The following PAPSS2 variants were observed in gnomAD, a reference collection of about 807,000 sequenced individuals.
The protein encoded by PAPSS2 is bifunctional 3'-phosphoadenosine 5'-phosphosulfate synthase 2.
PAPSS2 carries 61 observed loss-of-function variants against 66.5 expected under a neutral mutation model. That is an observed-to-expected ratio of 0.92 (90% CI 0.75 to 1.14). PAPSS2 has a LOEUF of 1.14. Ranked by LOEUF, PAPSS2 falls within the 50% of genes most tolerant of loss-of-function variation. The probability of loss-of-function intolerance (pLI) is 0.00; values close to 1 mark genes in which losing one functional copy is unlikely to be tolerated. For missense variants in PAPSS2, 708 were observed against 789.6 expected (o/e 0.90, Z 1.24); for synonymous variants, 289 against 287.5 (o/e 1.01, Z -0.05).
intron 4 of PAPSS2, 125 bp downstream of exon 4, chr10:87,714,307 C>T: frequency 1.0e-6 from 1 of 964,138 alleles, no homozygotes; most frequent in Non-Finnish European, 1.6e-6. Context: ...ACATGCACAA[C>T]TTTTTATCAG....
Position 87,714,996 on chromosome 10 carries a change from C to G in PAPSS2, c.651C>G (p.Pro217=). The change falls in exon 6 of 13, where the codon CCC becomes CCG. Residue 217 remains proline (P), a synonymous_variant. Coordinates refer to ENST00000456849, the MANE Select transcript of PAPSS2 (RefSeq NM_001015880.2). ...CTGTTTCATTTCAGAACATTGTACCCTATACTATAATCAAAGATATCCACG... is the reference window on the plus strand; with the variant it reads ...CTGTTTCATTTCAGAACATTGTACCGTATACTATAATCAAAGATATCCACG... The part of the protein sequence containing the change: ...VELLQEQNIV[P]YTIIKDIHEL... 2.5e-6 allele frequency: 4 copies of G among 1,604,872 alleles called. No homozygotes were observed. Among genetic ancestry groups the G allele is most frequent in the Non-Finnish European group, 3.4e-6 (4 of 1,171,610 alleles).
intron 2 of PAPSS2, among the ~76,000 whole-genome samples, chr10:87,712,838 C>A (rs1450776966): frequency 1.3e-5 from 2 of 152,122 alleles, no homozygotes; most frequent in Non-Finnish European, 2.9e-5. Flanking sequence ...GCCCCCAAAT[C>A]TCCCTATTTA....
chr10:87,706,098 A>ATG (rs1408888630), intron 1 of PAPSS2, among the ~76,000 whole-genome samples: 3 of 83,384 alleles, frequency 3.6e-5, no homozygotes, highest in African/African-American at 2.1e-4. Context: ...ATATATATAT[A>ATG]TATATATATA....
chr10:87,671,757 A>G (rs1306654039), intron 1 of PAPSS2, among the ~76,000 whole-genome samples: 1 of 152,162 alleles, frequency 6.6e-6, no homozygotes, highest in African/African-American at 2.4e-5. Flanking sequence ...AATAACCAGA[A>G]CCAATTGAGA....
At chr10:87,691,504 C>T (rs1346620745) in intron 1 of PAPSS2, among the ~76,000 whole-genome samples, 2 of 149,000 alleles carry the variant, frequency 1.3e-5, no homozygotes, top group South Asian at 2.1e-4. Context: ...AAAAAAAAGG[C>T]AACAACATAA....
intron 1 of PAPSS2, among the ~76,000 whole-genome samples, chr10:87,700,440 T>G (rs1339764840): frequency 1.3e-5 from 2 of 152,220 alleles, no homozygotes; most frequent in African/African-American, 4.8e-5. Context: ...GAGAATCACT[T>G]GAGTCTAGGA....
At chr10:87,714,918 C>T in intron 5 of PAPSS2, 55 bp downstream of exon 5, 1 of 1,411,494 alleles carries the variant, frequency 7.1e-7, no homozygotes, top group Non-Finnish European at 1.0e-6. Flanking sequence ...GAAAGACAAT[C>T]TATGCCTCTT....
Position 87,727,310 on chromosome 10 carries a change from A to G in PAPSS2, c.907A>G (p.Ile303Val), listed in dbSNP as rs765764640. The part of the protein sequence containing the change: ...PDGVINMSIP[I>V]VLPVSAEDKT... ...TGGCGTGATCAACATGAGCATCCCCATTGTACTGCCCGTCTCTGCAGAGGA... is the reference window on the plus strand; with the variant it reads ...TGGCGTGATCAACATGAGCATCCCCGTTGTACTGCCCGTCTCTGCAGAGGA... Residue 303 changes from isoleucine (I) to valine (V), a missense_variant, in exon 9 of 13, where the codon ATT becomes GTT. Coordinates refer to ENST00000456849, the MANE Select transcript of PAPSS2 (RefSeq NM_001015880.2). 83 of 1,613,552 alleles carry G rather than the reference A, an allele frequency of 5.1e-5. No homozygotes were observed. The highest frequency in any genetic ancestry group is 5.2e-5 in the Non-Finnish European group (61 of 1,179,992).
At chr10:87,672,998 T>C (rs1160142981) in intron 1 of PAPSS2, among the ~76,000 whole-genome samples, 1 of 152,238 alleles carries the variant, frequency 6.6e-6, no homozygotes, top group Non-Finnish European at 1.5e-5. Flanking sequence ...GGTATTTCTG[T>C]GTGGCCTGAA....
At chr10:87,707,945 T>G (rs552225808) in intron 1 of PAPSS2, among the ~76,000 whole-genome samples, 6 of 152,364 alleles carry the variant, frequency 3.9e-5, no homozygotes, top group African/African-American at 1.4e-4. Flanking sequence ...GTGTAATATT[T>G]AAAAGGCTCA....
intron 4 of PAPSS2, 55 bp downstream of exon 4, chr10:87,714,237 C>T (rs1853504130): frequency 6.3e-7 from 1 of 1,576,732 alleles, no homozygotes. Flanking sequence ...AGTCCTCAGT[C>T]CTTATTCTGT....
chr10:87,661,137 G>C, intron 1 of PAPSS2: 2 of 343,894 alleles, frequency 5.8e-6, no homozygotes, highest in South Asian at 3.6e-5. Context: ...GCCGGGGAGA[G>C]GTTTAAAAAA....
intron 1 of PAPSS2, among the ~76,000 whole-genome samples, chr10:87,686,513 G>C (rs969768386): frequency 2.0e-5 from 3 of 151,996 alleles, no homozygotes; most frequent in African/African-American, 7.3e-5. Flanking sequence ...ACCCGCTCCT[G>C]GGATACTGTA....
At chr10:87,723,200 T>C (rs1853617030) in intron 8 of PAPSS2, among the ~76,000 whole-genome samples, 1 of 152,252 alleles carries the variant, frequency 6.6e-6, no homozygotes, top group African/African-American at 2.4e-5. Context: ...ATGGTCTTCC[T>C]TTCAGCAATG....
At chr10:87,725,504 G>T (rs1853647324) in intron 8 of PAPSS2, among the ~76,000 whole-genome samples, 1 of 152,132 alleles carries the variant, frequency 6.6e-6, no homozygotes, top group South Asian at 2.1e-4. Context: ...ACTCCTCTGT[G>T]GTTTTGGACA....
intron 11 of PAPSS2, among the ~76,000 whole-genome samples, chr10:87,744,460 G>C (rs956873221): frequency 1.3e-5 from 2 of 152,176 alleles, no homozygotes; most frequent in Non-Finnish European, 2.9e-5. Flanking sequence ...CCCAAACTGA[G>C]TTTAATGAAT....
chr10:87,734,138 A>G (rs897142931), intron 9 of PAPSS2, among the ~76,000 whole-genome samples: 21 of 152,166 alleles, frequency 1.4e-4, no homozygotes, highest in Non-Finnish European at 2.4e-4. Context: ...TTATTAAGAT[A>G]CAATTTACCG....
At chr10:87,723,956 T>C (rs778985070) in intron 8 of PAPSS2, among the ~76,000 whole-genome samples, 14 of 152,210 alleles carry the variant, frequency 9.2e-5, no homozygotes, top group Non-Finnish European at 2.1e-4. Context: ...TTTATTCACC[T>C]TCCTTTCATT....
intron 1 of PAPSS2, among the ~76,000 whole-genome samples, chr10:87,691,228 A>G (rs1853167410): frequency 6.6e-6 from 1 of 152,172 alleles, no homozygotes; most frequent in Non-Finnish European, 1.5e-5. Context: ...CATAACAAAC[A>G]TTTGAATAAC....
Sources: gnomAD v4.1 joint callset for allele counts (sites outside exome capture counted in the v4.1 genomes callset) on GRCh38, gnomAD v4.1.1 for gene constraint, MANE v1.5 for transcripts, NCBI Gene and HGNC (gene_info 2026-07-23, HGNC 2026-07-21) for gene names.